The following FGF13 variants were observed in gnomAD, a reference collection of about 807,000 sequenced individuals.
FGF13 encodes fibroblast growth factor homologous factor 2.
FGF13 carries 2 observed loss-of-function variants against 19.5 expected under a neutral mutation model. The ratio of observed to expected loss-of-function variants is 0.10; its 90% CI spans 0.04 to 0.32. The LOEUF (loss-of-function observed/expected upper bound fraction) is 0.32. FGF13 is among the 10% of genes least tolerant of loss of function. The pLI, the probability that FGF13 is intolerant of heterozygous loss-of-function variation, is 1.00. For synonymous variants in FGF13, 72 were observed against 76.9 expected (o/e 0.94, Z 0.33); for missense variants, 113 against 192.7 (o/e 0.59, Z 2.45).
intron 3 of FGF13, among the ~76,000 whole-genome samples, chrX:138,817,868 A>G (rs1182998041): frequency 8.9e-6 from 1 of 112,259 alleles, no homozygotes; most frequent in Non-Finnish European, 1.9e-5. Flanking sequence ...TGTGGGCCAT[A>G]TGGTCTCTGT....
At chrX:138,990,302 C>A (rs2092010191) in intron 1 of FGF13, among the ~76,000 whole-genome samples, 1 of 109,903 alleles carries the variant, frequency 9.1e-6, no homozygotes, top group African/African-American at 3.3e-5. Flanking sequence ...CCTATGTACC[C>A]ATAAAAATTA....
At chrX:138,691,744 G>A (rs2089840602) in intron 3 of FGF13, among the ~76,000 whole-genome samples, 1 of 111,638 alleles carries the variant, frequency 9.0e-6, no homozygotes, top group African/African-American at 3.3e-5. Context: ...TTAAAAGGAG[G>A]TGTTATATAT....
intron 3 of FGF13, 47 bp downstream of exon 3, chrX:138,702,937 G>T (rs1457589311): frequency 1.1e-6 from 1 of 908,588 alleles, no homozygotes; most frequent in Non-Finnish European, 1.6e-6. Flanking sequence ...CTTTCATATT[G>T]GATGAAAACT....
At chrX:139,063,065 A>G (rs1171272608) in intron 1 of FGF13, among the ~76,000 whole-genome samples, 2 of 112,029 alleles carry the variant, frequency 1.8e-5, no homozygotes, top group African/African-American at 3.2e-5. Context: ...AAAACCTCAT[A>G]GCTCAAGCAT....
In FGF13 at chrX:138,711,380, C is replaced by A. The variant is rs2090046560; in HGVS notation, c.-377G>T. 8 of 456,766 alleles carry A rather than the reference C, an allele frequency of 1.8e-5. 1 individual carries two copies. Among genetic ancestry groups the A allele is most frequent in the Middle Eastern group, 1.2e-3 (1 of 824 alleles). The allele number at this position is 456,766 out of a possible 1,213,427, so 37.6% of individuals were successfully genotyped here. On this transcript the variant is annotated 5_prime_UTR_variant, in exon 1 of 5. Transcript: ENST00000315930. ...CTGCTCCGGTCCGAATTTCGCCGGACCCCCTCGCCCTGTTGCCCTTCTGAT... is the reference window on the plus strand; with the variant it reads ...CTGCTCCGGTCCGAATTTCGCCGGAACCCCTCGCCCTGTTGCCCTTCTGAT...
At chrX:138,678,438 C>T (rs992353059) in intron 3 of FGF13, among the ~76,000 whole-genome samples, 1 of 111,488 alleles carries the variant, frequency 9.0e-6, no homozygotes, top group Non-Finnish European at 1.9e-5. Context: ...ATAACTAAAC[C>T]GTTAGATTCA....
intron 1 of FGF13, among the ~76,000 whole-genome samples, chrX:138,919,048 G>A (rs2091631747): frequency 9.0e-6 from 1 of 110,911 alleles, no homozygotes; most frequent in African/African-American, 3.3e-5. Context: ...CTTACCTATG[G>A]AAAAAAATGC....
intron 3 of FGF13, among the ~76,000 whole-genome samples, chrX:138,782,809 A>C (rs1357040503): frequency 4.0e-5 from 4 of 101,123 alleles, no homozygotes; most frequent in Non-Finnish European, 8.0e-5. Context: ...ATTGGAAAAA[A>C]CTACTTTAAA....
At position 138,637,423 on chromosome X, in the gene FGF13, AT is replaced by A. The variant is rs368440388; in HGVS notation, c.403-1769del. ...TTTTCCTTTCATAAAGAATCAAACCATTTTGAAAATATATCTGGTGAAAAAT... is the reference window on the plus strand; with the variant it reads ...TTTTCCTTTCATAAAGAATCAAACCATTTGAAAATATATCTGGTGAAAAAT... On this transcript the variant is annotated intron_variant, in intron 3 of 4. Transcript: ENST00000315930. Among the ~76,000 whole-genome samples the A allele has an allele frequency of 5.0e-3, 561 of 112,401 alleles. 6 individuals are homozygous for A. The highest frequency in any genetic ancestry group is 0.017 in the African/African-American group (534 of 30,928).
At chrX:139,110,417 T>G (rs1286361828) in intron 1 of FGF13, among the ~76,000 whole-genome samples, 2 of 110,044 alleles carry the variant, frequency 1.8e-5, no homozygotes, top group African/African-American at 6.6e-5. Flanking sequence ...GGGGGCGGTT[T>G]CCCCTCATAC....
At chrX:138,930,385 T>A (rs781726769) in intron 1 of FGF13, among the ~76,000 whole-genome samples, 2 of 112,342 alleles carry the variant, frequency 1.8e-5, no homozygotes, top group Non-Finnish European at 3.8e-5. Context: ...TTATTTATTT[T>A]AATGTTCACA....
intron 1 of FGF13, among the ~76,000 whole-genome samples, chrX:139,101,497 G>T (rs2124457827): frequency 8.9e-6 from 1 of 112,191 alleles, no homozygotes; most frequent in East Asian, 2.8e-4. Flanking sequence ...TTGCAATTTT[G>T]AAAAAGAATA....
chrX:138,635,205 A>G (rs1374145522), intron 4 of FGF13, among the ~76,000 whole-genome samples: 1 of 111,567 alleles, frequency 9.0e-6, no homozygotes, highest in Admixed American at 9.6e-5. Flanking sequence ...GACATAAAGC[A>G]TAAGCATGAT....
At chrX:138,728,308 G>C (rs927075128) in intron 1 of FGF13, among the ~76,000 whole-genome samples, 2 of 110,876 alleles carry the variant, frequency 1.8e-5, no homozygotes, top group Non-Finnish European at 3.8e-5. Flanking sequence ...TCCATCCCTT[G>C]AGCCATTGCC....
At chrX:138,658,100 G>A (rs368848329) in intron 3 of FGF13, among the ~76,000 whole-genome samples, 11 of 112,282 alleles carry the variant, frequency 9.8e-5, no homozygotes, top group African/African-American at 3.2e-4. Flanking sequence ...GCCAACAAGT[G>A]AAGTTGAGCA....
At chrX:138,710,249 C>T (rs977703099) in intron 1 of FGF13, among the ~76,000 whole-genome samples, 12 of 100,150 alleles carry the variant, frequency 1.2e-4, no homozygotes, top group Non-Finnish European at 2.5e-4. Context: ...TCTAGAAATC[C>T]CCCCTCCCCC....
chrX:138,867,679 T>C (rs2091334623), intron 1 of FGF13, among the ~76,000 whole-genome samples: 1 of 111,221 alleles, frequency 9.0e-6, no homozygotes, highest in African/African-American at 3.3e-5. Flanking sequence ...CATGATTCAA[T>C]TATCTCCCAC....
At chrX:138,699,011 A>G (rs1440691951) in intron 3 of FGF13, among the ~76,000 whole-genome samples, 1 of 111,447 alleles carries the variant, frequency 9.0e-6, no homozygotes, top group Admixed American at 9.5e-5. Flanking sequence ...TGTTTATTAA[A>G]CTGTTTCCAT....
At chrX:139,095,432 G>A (rs376703400) in intron 1 of FGF13, among the ~76,000 whole-genome samples, 9 of 111,642 alleles carry the variant, frequency 8.1e-5, no homozygotes, top group African/African-American at 1.6e-4. Context: ...GTGTGGAGCC[G>A]GGCAGAGGTT....
Sources: gnomAD v4.1 joint callset for allele counts (sites outside exome capture counted in the v4.1 genomes callset) on GRCh38, gnomAD v4.1.1 for gene constraint, MANE v1.5 for transcripts, NCBI Gene and HGNC (gene_info 2026-07-23, HGNC 2026-07-21) for gene names.